NCOR2: variants seen among roughly 807,000 people sequenced by gnomAD.
NCOR2 encodes nuclear receptor corepressor 2.
A neutral mutation model predicts 262.9 loss-of-function variants in NCOR2; 81 were observed. The ratio of observed to expected loss-of-function variants is 0.31; its 90% confidence interval spans 0.26 to 0.37. NCOR2 has a LOEUF of 0.37. NCOR2 is among the 10% of genes least tolerant of loss of function. The probability of loss-of-function intolerance (pLI) is 1.00; values close to 1 mark genes in which losing one functional copy is unlikely to be tolerated. For missense variants in NCOR2, 3,385 were observed against 3,621.4 expected, an observed-to-expected ratio of 0.93 and a Z score of 1.68; for synonymous variants, 1,659 against 1,559.3, an observed-to-expected ratio of 1.06 and a Z score of -1.51.
chr12:124,386,866 C>T (rs1250010215), intron 16 of NCOR2, among the ~76,000 whole-genome samples: 4 of 152,226 alleles, frequency 2.6e-5, no homozygotes, highest in South Asian at 4.1e-4. Flanking sequence ...GTGTCTCCAG[C>T]GGCGTGACCT....
chr12:124,469,015 C>A lies in NCOR2; in HGVS notation c.592-2729G>T, dbSNP rs77752010. Among the ~76,000 whole-genome samples, 178 of 147,160 alleles carry A rather than the reference C, an allele frequency of 1.2e-3. 4 individuals are homozygous for A. The East Asian group carries it at 0.027, about 22-fold the overall frequency. ...TCATCACCCCCATCATCCTCATCCTCATCTGTCCATGTATGAACCCCCTCC... is the reference window on the plus strand; with the variant it reads ...TCATCACCCCCATCATCCTCATCCTAATCTGTCCATGTATGAACCCCCTCC... On this transcript the variant is annotated intron_variant, in intron 4 of 46. Transcript: ENST00000405201.
At chr12:124,462,494 T>A (rs2046216789) in intron 5 of NCOR2, among the ~76,000 whole-genome samples, 1 of 152,032 alleles carries the variant, frequency 6.6e-6, no homozygotes, top group Admixed American at 6.5e-5. Flanking sequence ...CCAGGGTGGG[T>A]GACGAGCAGG....
chr12:124,558,646 G>A (rs2051965122), intron 1 of NCOR2, among the ~76,000 whole-genome samples: 1 of 152,182 alleles, frequency 6.6e-6, no homozygotes, highest in African/African-American at 2.4e-5. Flanking sequence ...TTTTGCATAG[G>A]TGGGATCCGA....
intron 43 of NCOR2, among the ~76,000 whole-genome samples, chr12:124,331,116 G>A (rs1266907689): frequency 6.6e-6 from 1 of 151,114 alleles, no homozygotes; most frequent in Non-Finnish European, 1.5e-5. Context: ...AGGCTGGAGT[G>A]CAGTTGTGCA....
At chr12:124,444,298 G>A (rs2136460790) in intron 7 of NCOR2, among the ~76,000 whole-genome samples, 1 of 152,272 alleles carries the variant, frequency 6.6e-6, no homozygotes, top group East Asian at 1.9e-4. Flanking sequence ...CACTCATGGG[G>A]TGCAAAGAAG....
At chr12:124,486,745 G>C (rs1296970225) in intron 1 of NCOR2, among the ~76,000 whole-genome samples, 177 bp from the exon 4 acceptor site, 1 of 152,216 alleles carries the variant, frequency 6.6e-6, no homozygotes, top group Non-Finnish European at 1.5e-5. Flanking sequence ...TACCCTTGGG[G>C]CCGAACACCA....
intron 22 of NCOR2, among the ~76,000 whole-genome samples, chr12:124,358,022 A>T (rs1192647961): frequency 1.0e-5 from 1 of 96,440 alleles, no homozygotes; most frequent in Non-Finnish European, 2.1e-5. Context: ...ACGTGCGTGC[A>T]TGTGTGTGTG....
chr12:124,339,911 C>CCCAAA, intron 37 of NCOR2, 95 bp downstream of exon 39: 2 of 1,090,168 alleles, frequency 1.8e-6, no homozygotes, highest in South Asian at 1.4e-5. Context: ...ACCCACCTCC[C>CCCAAA]ATATACCTCC....
chr12:124,329,268 C>A, intron 44 of NCOR2: 1 of 395,742 alleles, frequency 2.5e-6, no homozygotes, highest in Non-Finnish European at 5.1e-6. Flanking sequence ...TCGAGATCAG[C>A]CTGGCCAATA....
At chr12:124,334,685 G>T in intron 40 of NCOR2, 68 bp from the exon 43 acceptor site, 1 of 789,318 alleles carries the variant, frequency 1.3e-6, no homozygotes, top group Non-Finnish European at 1.9e-6. Flanking sequence ...GGGGTGGGGA[G>T]GGGCTAGACG....
intron 1 of NCOR2, among the ~76,000 whole-genome samples, chr12:124,520,255 G>A (rs1413366900): frequency 6.6e-6 from 1 of 152,220 alleles, no homozygotes; most frequent in East Asian, 1.9e-4. Context: ...GGCACAGGAA[G>A]GCACGGGCAT....
At chr12:124,451,884 G>C (rs1195191689) in intron 6 of NCOR2, among the ~76,000 whole-genome samples, 3 of 128,328 alleles carry the variant, frequency 2.3e-5, no homozygotes, top group Non-Finnish European at 4.8e-5. Context: ...CAGCTCTACA[G>C]AGCCTCACAG....
chr12:124,470,167 G>GT (rs751155866), intron 4 of NCOR2, among the ~76,000 whole-genome samples: 1 of 104,842 alleles, frequency 9.5e-6, no homozygotes. Flanking sequence ...ATCCATCTCA[G>GT]AAAAAAAAAA....
chr12:124,332,363 A>G, exon 43 of NCOR2: 1 of 1,613,928 alleles, frequency 6.2e-7, no homozygotes, highest in Non-Finnish European at 8.5e-7. Context: ...CTTCTTGTTG[A>G]TCTCTTGCTT....
chr12:124,415,640 C>T (rs551370160), intron 13 of NCOR2, among the ~76,000 whole-genome samples: 1 of 152,352 alleles, frequency 6.6e-6, no homozygotes, highest in Admixed American at 6.5e-5. Context: ...TTCTGAGAGA[C>T]GCAGAGCAGA....
chr12:124,543,674 G>C (rs574622216), intron 1 of NCOR2, among the ~76,000 whole-genome samples: 1 of 152,352 alleles, frequency 6.6e-6, no homozygotes, highest in Admixed American at 6.5e-5. Flanking sequence ...AGGAGCCGGG[G>C]TATCGACCGC....
intron 8 of NCOR2, among the ~76,000 whole-genome samples, chr12:124,436,023 C>T (rs965028476): frequency 2.0e-5 from 3 of 152,240 alleles, no homozygotes; most frequent in Non-Finnish European, 1.5e-5. Context: ...GCAGGGTGTG[C>T]GGGCATCCTC....
At chr12:124,426,915 C>A in intron 10 of NCOR2, 115 bp from the exon 13 acceptor site, 1 of 943,718 alleles carries the variant, frequency 1.1e-6, no homozygotes. Flanking sequence ...GCAGGGAAAA[C>A]GCGAAACCAA....
intron 24 of NCOR2, 28 bp downstream of exon 26, chr12:124,355,404 C>A: frequency 6.2e-7 from 1 of 1,611,532 alleles, no homozygotes; most frequent in Non-Finnish European, 8.5e-7. Flanking sequence ...AAGACTAAGC[C>A]CCCAAGAAAG....
Sources: allele counts gnomAD v4.1 joint callset (sites outside exome capture counted in the v4.1 genomes callset), GRCh38; gene constraint gnomAD v4.1.1; transcripts MANE v1.5; gene names NCBI Gene and HGNC (gene_info 2026-07-23, HGNC 2026-07-21).